EXD3: variants seen among roughly 807,000 people sequenced by gnomAD.
EXD3 encodes exonuclease 3'-5' domain containing 3.
In EXD3, 92 loss-of-function variants were observed where a neutral mutation model predicts 98.0. The ratio of observed to expected loss-of-function variants is 0.94; its 90% CI spans 0.79 to 1.12. The LOEUF is 1.12. Ranked by LOEUF, EXD3 falls within the 50% of genes most tolerant of loss-of-function variation. The pLI is 0.00. For missense variants in EXD3, 1,222 were observed against 1,191.6 expected (o/e 1.03, Z -0.38); for synonymous variants, 569 against 526.0 (o/e 1.08, Z -1.12).
intron 17 of EXD3, among the ~76,000 whole-genome samples, chr9:137,328,355 CAACGAATAAACA>C (rs1564476801): frequency 5.7e-4 from 86 of 152,182 alleles, no homozygotes; most frequent in African/African-American, 1.5e-3. Context: ...TGAGTAAAAA[CAACGAATAAACA>C]CCCATATGAT....
intron 19 of EXD3, among the ~76,000 whole-genome samples, chr9:137,320,994 A>T (rs1461287567): frequency 1.3e-5 from 2 of 152,124 alleles, no homozygotes. Flanking sequence ...CCTGGAGCAC[A>T]CTTCCTTGCC....
At chr9:137,369,935 G>A (rs1353840498) in intron 5 of EXD3, among the ~76,000 whole-genome samples, 2 of 152,234 alleles carry the variant, frequency 1.3e-5, no homozygotes, top group Non-Finnish European at 2.9e-5. Context: ...GGCCAGGTGG[G>A]CTTTCTGGAC....
chr9:137,326,398 C>T (rs1024955449), intron 17 of EXD3, among the ~76,000 whole-genome samples: 7 of 151,978 alleles, frequency 4.6e-5, no homozygotes, highest in African/African-American at 7.3e-5. Context: ...CGGTGCCTTA[C>T]GCCTGTAATC....
In EXD3 at chr9:137,373,455, G is replaced by A. The variant is rs373202434; in HGVS notation, c.265C>T (p.Gln89Ter). 1.9e-6 allele frequency: 3 copies of A among 1,609,040 alleles called. No homozygotes were observed. Among genetic ancestry groups the A allele is most frequent in the East Asian group, 2.2e-5 (1 of 44,832 alleles). ...WISHQLQCWLQAQPCPSLAQH... is the reference protein window; with the variant it reads ...WISHQLQCWL ...GCCAGGCTCGGGCATGGCTGTGCCTGTAGCCAGCACTGCAGCTGGTGGGAG... is the reference window on the plus strand; with the variant it reads ...GCCAGGCTCGGGCATGGCTGTGCCTATAGCCAGCACTGCAGCTGGTGGGAG... Residue 89 changes from glutamine to a stop codon, truncating the protein, a stop_gained, in exon 4 of 22, where the codon CAG (glutamine) becomes TAG (stop). Transcript: ENST00000340951. LOFTEE classifies it high-confidence loss of function.
intron 1 of EXD3, among the ~76,000 whole-genome samples, chr9:137,410,971 C>T (rs1837969527): frequency 6.6e-6 from 1 of 152,152 alleles, no homozygotes; most frequent in Admixed American, 6.5e-5. Context: ...TCTCAGGGGA[C>T]TGCAGGTGAC....
chr9:137,307,720 G>C (rs977121620), intron 20 of EXD3, 74 bp from the exon 21 acceptor site: 4 of 1,548,542 alleles, frequency 2.6e-6, no homozygotes, highest in Non-Finnish European at 3.5e-6. Flanking sequence ...GGTCCATGAC[G>C]CAGCCATGCG....
intron 7 of EXD3, among the ~76,000 whole-genome samples, chr9:137,356,715 C>G (rs542964474): frequency 6.6e-6 from 1 of 152,358 alleles, no homozygotes; most frequent in East Asian, 1.9e-4. Flanking sequence ...TGGTGATATT[C>G]TGGCTGTGCA....
In EXD3 at chr9:137,351,098, G is replaced by GGC. The variant is rs1834273140; in HGVS notation, c.1432_1433dup (p.Leu479ProfsTer38). 6.3e-7 allele frequency: 1 copy of GGC among 1,584,386 alleles called. No individual in the cohort carries two copies. On this transcript the variant is annotated frameshift_variant, in exon 14 of 22. Transcript: ENST00000340951. LOFTEE classifies it high-confidence loss of function. Reference sequence around the variant, plus strand: ...GAATCTGCTTCTCCACATGGGCCAGGGCGGGGCAGGACGTGCCCAGTTTTT... The same window carrying GGC: ...GAATCTGCTTCTCCACATGGGCCAGGGCGCGGGGCAGGACGTGCCCAGTTTTT...
chr9:137,342,541 G>C (rs906107074), intron 17 of EXD3, among the ~76,000 whole-genome samples: 1 of 152,138 alleles, frequency 6.6e-6, no homozygotes, highest in Admixed American at 6.5e-5. Flanking sequence ...GGTTTTTACT[G>C]GGGGGTGGTC....
chr9:137,354,162 C>T (rs371800102), intron 10 of EXD3, 177 bp downstream of exon 10: 87 of 1,425,136 alleles, frequency 6.1e-5, no homozygotes, highest in Non-Finnish European at 7.0e-5. Flanking sequence ...TCAGGCCTCC[C>T]GGGCCTGAGG....
intron 5 of EXD3, among the ~76,000 whole-genome samples, chr9:137,369,846 T>C (rs1188565906): frequency 6.6e-6 from 1 of 152,198 alleles, no homozygotes; most frequent in African/African-American, 2.4e-5. Flanking sequence ...CCACGGCCAT[T>C]CAGAGCCCAG....
At position 137,385,325 on chromosome 9, in the gene EXD3, C is replaced by T. The variant is rs556111120; in HGVS notation, c.56-1948G>A. Among the ~76,000 whole-genome samples, 10 of 152,226 alleles carry T rather than the reference C, an allele frequency of 6.6e-5. No individual in the cohort carries two copies. The highest frequency in any genetic ancestry group is 2.2e-4 in the African/African-American group (9 of 41,546). On this transcript the variant is annotated intron_variant, in intron 2 of 21. Transcript: ENST00000340951. This position sits in a 1 kb window ranked among gnomAD's most constrained non-coding sequence, Gnocchi z 4.4. Reference sequence around the variant, plus strand: ...ACGATGCCCAGGTGGGGAGGACGTACCCCACCACGTGGCCATGGCAGGCAG... The same window carrying T: ...ACGATGCCCAGGTGGGGAGGACGTATCCCACCACGTGGCCATGGCAGGCAG...
intron 10 of EXD3, chr9:137,353,960 C>T (rs966943696): frequency 4.7e-5 from 50 of 1,072,138 alleles, no homozygotes; most frequent in African/African-American, 8.4e-5. Context: ...GCCGGCTCTG[C>T]GCTGGCACCG....
chr9:137,393,482 G>A lies in EXD3; in HGVS notation c.55+1821C>T, dbSNP rs943957744. 1.7e-4 allele frequency among the ~76,000 whole-genome samples: 26 copies of A among 152,284 alleles called. No homozygotes were observed. The highest frequency in any genetic ancestry group is 5.5e-4 in the African/African-American group (23 of 41,548). On this transcript the variant is annotated intron_variant, in intron 2 of 21. Transcript: ENST00000340951. This position sits in a 1 kb window ranked among gnomAD's most constrained non-coding sequence, Gnocchi z 4.6. The stretch of plus-strand genomic sequence containing the variant: ...AGCCAGGGTTGTGCCTGCTGAGGGG[G>A]CCACATCCACACCAAGCCCCGCCCA...
At chr9:137,406,295 AAAAAAAGAAAAAG>A (rs1223131996) in intron 1 of EXD3, among the ~76,000 whole-genome samples, 1 of 151,828 alleles carries the variant, frequency 6.6e-6, no homozygotes, top group Admixed American at 6.6e-5. Flanking sequence ...AAAAAGGAAA[AAAAAAAGAAAAAG>A]AAAAGAAAAA....
At chr9:137,379,910 C>G (rs1836141464) in intron 3 of EXD3, among the ~76,000 whole-genome samples, 1 of 152,208 alleles carries the variant, frequency 6.6e-6, no homozygotes, top group African/African-American at 2.4e-5. Flanking sequence ...CCAGTGGCAG[C>G]TGTGCCCCTT....
At chr9:137,369,973 C>G (rs1472563153) in intron 5 of EXD3, among the ~76,000 whole-genome samples, 4 of 152,222 alleles carry the variant, frequency 2.6e-5, no homozygotes, top group Admixed American at 2.0e-4. Flanking sequence ...CCCCCAGCAT[C>G]TGTGTCCACA....
At chr9:137,420,312 A>G (rs1467590674) in intron 1 of EXD3, among the ~76,000 whole-genome samples, 1 of 152,156 alleles carries the variant, frequency 6.6e-6, no homozygotes, top group Admixed American at 6.5e-5. Context: ...TTTTTGAGCT[A>G]TTTATAGCTA....
chr9:137,352,122 C>T lies in EXD3; in HGVS notation c.1117G>A (p.Val373Ile), dbSNP rs201576176. 43 of 1,612,704 alleles carry T rather than the reference C, an allele frequency of 2.7e-5. 1 individual carries two copies. The highest frequency in any genetic ancestry group is 1.3e-4 in the East Asian group (6 of 44,888). ...TCTTCCCACGAGGCCAGGAGGTGGACGTTCTCCCTGGGGATGGGCAGCTGG... is the reference window on the plus strand; with the variant it reads ...TCTTCCCACGAGGCCAGGAGGTGGATGTTCTCCCTGGGGATGGGCAGCTGG... The part of the protein sequence containing the change: ...YYQLPIPREN[V>I]HLLASWEDLT... Residue 373 changes from valine to isoleucine, a missense_variant, in exon 12 of 22, where the codon GTC becomes ATC. Val to Ile is a conservative substitution (Grantham distance 29). Transcript: ENST00000340951.
Sources: allele counts gnomAD v4.1 joint callset (sites outside exome capture counted in the v4.1 genomes callset), GRCh38; gene constraint gnomAD v4.1.1; non-coding constraint Gnocchi (gnomAD v3.1); transcripts MANE v1.5; gene names NCBI Gene and HGNC (gene_info 2026-07-23, HGNC 2026-07-21).